The following NFIB variants were observed in gnomAD, a reference collection of about 807,000 sequenced individuals.
NFIB encodes the protein nuclear factor 1 B-type.
Under a neutral mutation model 61.5 loss-of-function variants are expected in NFIB, and 11 were observed. That is an observed-to-expected ratio of 0.18 (90% confidence interval 0.11 to 0.30). NFIB has a LOEUF of 0.30. NFIB is among the 10% of genes least tolerant of loss of function. The pLI, the probability that NFIB is intolerant of heterozygous loss-of-function variation, is 1.00. For missense variants in NFIB, 471 were observed against 608.9 expected (o/e 0.77, Z 2.38); for synonymous variants, 260 against 216.5 (o/e 1.20, Z -1.76).
At chr9:14,308,689 G>A (rs141259400) in intron 1 of NFIB, among the ~76,000 whole-genome samples, 244 of 152,240 alleles carry the variant, frequency 1.6e-3, no homozygotes, top group Admixed American at 2.4e-3. Flanking sequence ...AACTGTGGGT[G>A]CATATATGCA....
chr9:14,171,237 G>T (rs1407810284), intron 3 of NFIB, among the ~76,000 whole-genome samples: 1 of 152,096 alleles, frequency 6.6e-6, no homozygotes, highest in Admixed American at 6.5e-5. Flanking sequence ...CTCAAGCCTT[G>T]CTCAGACACC....
chr9:14,083,331 C>A lies in NFIB; in HGVS notation c.*4978G>T. ...GTTACCCCCCAACTGCAGGGCTCCACTCCACCCACACAATTTTAGGGAATT... is the reference window on the plus strand; with the variant it reads ...GTTACCCCCCAACTGCAGGGCTCCAATCCACCCACACAATTTTAGGGAATT... On this transcript the variant is annotated 3_prime_UTR_variant, in exon 11 of 11. Coordinates refer to ENST00000380953, the MANE Select transcript of NFIB (RefSeq NM_001190737.2). 8.8e-6 allele frequency: 2 copies of A among 227,440 alleles called. No homozygotes were observed. The highest frequency in any genetic ancestry group is 8.8e-6 in the Non-Finnish European group (1 of 114,078). 14.1% of individuals were successfully genotyped at this position (227,440 alleles called of 1,614,324 possible).
At chr9:14,386,982 T>C (rs2061556723) in intron 1 of NFIB, among the ~76,000 whole-genome samples, 1 of 152,152 alleles carries the variant, frequency 6.6e-6, no homozygotes, top group Non-Finnish European at 1.5e-5. Context: ...CTCTGAAATT[T>C]TAAGAGGAGA....
At chr9:14,137,251 T>G (rs368230171) in intron 6 of NFIB, among the ~76,000 whole-genome samples, 1 of 152,202 alleles carries the variant, frequency 6.6e-6, no homozygotes, top group African/African-American at 2.4e-5. Flanking sequence ...TCAATCTCTA[T>G]CAATCATTTG....
chr9:14,104,418 TG>T (rs1056867027), intron 10 of NFIB, among the ~76,000 whole-genome samples: 4 of 152,016 alleles, frequency 2.6e-5, no homozygotes, highest in Middle Eastern at 3.4e-3. Context: ...AATTGTCTTC[TG>T]TTTTTTTTTT....
chr9:14,515,558 C>T, the NFIB span, among the ~76,000 whole-genome samples: 33 of 152,208 alleles, frequency 2.2e-4, no homozygotes, highest in Middle Eastern at 3.4e-3. Flanking sequence ...TGGGGCCTCA[C>T]CTCACCTTCC....
At chr9:14,456,101 G>A in the NFIB span, among the ~76,000 whole-genome samples, 40 of 152,040 alleles carry the variant, frequency 2.6e-4, no homozygotes, top group Middle Eastern at 0.01. Flanking sequence ...TACTAGATTC[G>A]ATCATAATAC....
intron 2 of NFIB, among the ~76,000 whole-genome samples, chr9:14,262,589 T>G (rs973515672): frequency 1.3e-5 from 2 of 152,044 alleles, no homozygotes; most frequent in African/African-American, 4.8e-5. Flanking sequence ...AGGGTTAGAA[T>G]TGAGACAAGG....
At chr9:14,443,790 G>C in the NFIB span, among the ~76,000 whole-genome samples, 2 of 152,156 alleles carry the variant, frequency 1.3e-5, no homozygotes, top group African/African-American at 4.8e-5. Flanking sequence ...TGTAATATCC[G>C]TGAAGACAGA....
intron 5 of NFIB, among the ~76,000 whole-genome samples, chr9:14,147,365 G>C (rs1470965808): frequency 6.6e-6 from 1 of 152,074 alleles, no homozygotes; most frequent in East Asian, 1.9e-4. Context: ...ATAAAACCTA[G>C]TTCAAAGGCA....
At chr9:14,162,536 A>T (rs2044320353) in intron 3 of NFIB, among the ~76,000 whole-genome samples, 1 of 152,070 alleles carries the variant, frequency 6.6e-6, no homozygotes, top group Non-Finnish European at 1.5e-5. Flanking sequence ...CTTTTATGGA[A>T]ATTTTTGTAT....
At chr9:14,290,950 C>G (rs1012529789) in intron 2 of NFIB, among the ~76,000 whole-genome samples, 2 of 152,090 alleles carry the variant, frequency 1.3e-5, no homozygotes, top group Non-Finnish European at 2.9e-5. Context: ...TTGTACCCAT[C>G]TTTTGTTCAC....
chr9:14,178,204 G>A (rs116419157), intron 3 of NFIB, among the ~76,000 whole-genome samples: 1,854 of 152,114 alleles, frequency 0.012, 37 homozygotes, highest in African/African-American at 0.042. Flanking sequence ...TGTCTATCAT[G>A]CAACACAGGG....
In NFIB at chr9:14,085,743, A is replaced by G; in HGVS notation, c.*2566T>C. 1 of 219,568 alleles carries G rather than the reference A, an allele frequency of 4.6e-6. No individual in the cohort carries two copies. The highest frequency in any genetic ancestry group is 9.1e-6 in the Non-Finnish European group (1 of 109,552). The allele number at this position is 219,568 out of a possible 1,614,324, so 13.6% of individuals were successfully genotyped here. A position where few individuals can be genotyped will look rare whatever the true frequency, so the allele number is the denominator to read the frequency against. On this transcript the variant is annotated 3_prime_UTR_variant, in exon 11 of 11. Coordinates refer to ENST00000380953, the MANE Select transcript of NFIB (RefSeq NM_001190737.2). ...TGCCATCCATTTGAAGTAGTAAGTC[A>G]CAGGTAAATCATATCCTATCATTAA... is the stretch of plus-strand genomic sequence containing the variant.
At chr9:14,293,654 G>A (rs757441855) in intron 2 of NFIB, among the ~76,000 whole-genome samples, 16 of 152,186 alleles carry the variant, frequency 1.1e-4, no homozygotes, top group Non-Finnish European at 1.5e-4. Context: ...GACTGGACTA[G>A]ACTTTAAAAC....
intron 2 of NFIB, among the ~76,000 whole-genome samples, chr9:14,222,161 A>G (rs2051753150): frequency 6.6e-6 from 1 of 152,178 alleles, no homozygotes; most frequent in Non-Finnish European, 1.5e-5. Context: ...TCATCTTTCC[A>G]AAACACTTTC....
At chr9:14,277,440 A>G (rs943396964) in intron 2 of NFIB, among the ~76,000 whole-genome samples, 1 of 152,196 alleles carries the variant, frequency 6.6e-6, no homozygotes, top group Admixed American at 6.5e-5. Flanking sequence ...TGTTTTGCCA[A>G]ATTATGTGCT....
In NFIB at chr9:14,185,978, G is replaced by C. The variant is rs73412001; in HGVS notation, c.563-6198C>G. Among the ~76,000 whole-genome samples, 854 of 152,288 alleles carry C rather than the reference G, an allele frequency of 5.6e-3. 9 individuals carry two copies. The highest frequency in any genetic ancestry group is 0.019 in the African/African-American group (803 of 41,564). On this transcript the variant is annotated intron_variant, in intron 2 of 10. Coordinates refer to ENST00000380953, the MANE Select transcript of NFIB (RefSeq NM_001190737.2). ...ACTTTGCAAGCACTGAGGCAAGAAA[G>C]TTTTAATGACCTTTATAGATAAACT... is the stretch of plus-strand genomic sequence containing the variant.
intron 2 of NFIB, among the ~76,000 whole-genome samples, chr9:14,225,573 G>C (rs960014631): frequency 6.6e-6 from 1 of 151,562 alleles, no homozygotes; most frequent in Non-Finnish European, 1.5e-5. Flanking sequence ...GAATTTTTTG[G>C]TTTAATGACT....
Sources: allele counts gnomAD v4.1 joint callset (sites outside exome capture counted in the v4.1 genomes callset), GRCh38; gene constraint gnomAD v4.1.1; transcripts MANE v1.5; gene names NCBI Gene and HGNC (gene_info 2026-07-23, HGNC 2026-07-21).